CPEB3: variants seen among roughly 807,000 people sequenced by gnomAD.
CPEB3 encodes cytoplasmic polyadenylation element binding protein 3, also known as cytoplasmic polyadenylation element-binding protein 3.
A neutral mutation model predicts 67.2 loss-of-function variants in CPEB3; 20 were observed. The observed-to-expected ratio is 0.30, with a 90% CI of 0.21 to 0.43. CPEB3 has a LOEUF of 0.43. Ranked by LOEUF, CPEB3 falls within the 20% of genes least tolerant of loss-of-function variation. CPEB3 has a pLI of 1.00. For synonymous variants in CPEB3, 376 were observed against 393.1 expected (o/e 0.96, Z 0.51); for missense variants, 746 against 968.6 (o/e 0.77, Z 3.05).
At chr10:92,283,920 G>A (rs1030250725) in intron 1 of CPEB3, among the ~76,000 whole-genome samples, 4 of 150,238 alleles carry the variant, frequency 2.7e-5, no homozygotes, top group Non-Finnish European at 5.9e-5. Flanking sequence ...TAGAGACGGG[G>A]TTTCACCATG....
At chr10:92,235,023 A>G (rs1416128339) in intron 2 of CPEB3, among the ~76,000 whole-genome samples, 1 of 152,214 alleles carries the variant, frequency 6.6e-6, no homozygotes, top group Non-Finnish European at 1.5e-5. Flanking sequence ...GTGAGAAACT[A>G]TATGTAAAGT....
chr10:92,059,325 CA>C (rs61034093), intron 9 of CPEB3, among the ~76,000 whole-genome samples: 4 of 101,226 alleles, frequency 4.0e-5, no homozygotes, highest in Admixed American at 1.1e-4. Flanking sequence ...GAAACTCTGT[CA>C]AAAAAAAAAC....
rs1296204282 is a variant in CPEB3, at chr10:92,124,005, A to G, written c.1454-12811T>C. ...TATCTAACTACTGTCAGCAAGTCCC[A>G]ACCCAAGCTATATCCTCTTCTAAAA... On this transcript the variant is annotated intron_variant, in intron 6 of 9. Coordinates refer to ENST00000265997, the MANE Select transcript of CPEB3 (RefSeq NM_014912.5). Among the ~76,000 whole-genome samples, 7 of 152,302 alleles carry G rather than the reference A, an allele frequency of 4.6e-5. No individual in the cohort carries two copies. In the East Asian group the frequency reaches 1.2e-3, roughly 25 times the overall value.
At chr10:92,091,786 G>T in intron 8 of CPEB3, 44 bp downstream of exon 8, 1 of 1,197,794 alleles carries the variant, frequency 8.3e-7, no homozygotes, top group East Asian at 2.4e-5. Context: ...TGGGGATTTT[G>T]TTGTTGTTGG....
intron 9 of CPEB3, among the ~76,000 whole-genome samples, chr10:92,056,367 C>T (rs1006714469): frequency 5.9e-5 from 9 of 152,122 alleles, no homozygotes; most frequent in Non-Finnish European, 1.0e-4. Flanking sequence ...AACCTCCACC[C>T]GACCCATGCC....
Position 92,047,398 on chromosome 10 carries a change from C to G in CPEB3, c.*4814G>C, listed in dbSNP as rs1852146068. On this transcript the variant is annotated 3_prime_UTR_variant, in exon 10 of 10. Coordinates refer to ENST00000265997, the MANE Select transcript of CPEB3 (RefSeq NM_014912.5). The stretch of plus-strand genomic sequence containing the variant: ...TGACTAATCTTTCACTCAAACCTTG[C>G]AAGTAGAGATGTCACAATACTCAAA... 6.6e-6 allele frequency: 1 copy of G among 152,138 alleles called. No individual in the cohort carries two copies. Among genetic ancestry groups the G allele is most frequent in the African/African-American group, 2.4e-5 (1 of 41,430 alleles). The allele number at this position is 152,138 out of a possible 1,614,324, so 9.4% of individuals were successfully genotyped here.
At chr10:92,107,687 G>A (rs565585299) in intron 7 of CPEB3, among the ~76,000 whole-genome samples, 1 of 151,814 alleles carries the variant, frequency 6.6e-6, no homozygotes, top group Admixed American at 6.5e-5. Context: ...TGGGATACCT[G>A]AGCTATGAAA....
At chr10:92,149,441 G>A (rs759039810) in intron 4 of CPEB3, among the ~76,000 whole-genome samples, 20 of 152,354 alleles carry the variant, frequency 1.3e-4, no homozygotes, top group East Asian at 9.6e-4. Context: ...AGTCTTGAAC[G>A]AGAGCAGTGA....
intron 1 of CPEB3, among the ~76,000 whole-genome samples, chr10:92,282,904 G>A (rs1310736016): frequency 2.0e-5 from 3 of 152,124 alleles, no homozygotes; most frequent in African/African-American, 4.8e-5. Flanking sequence ...AGACCTAGCC[G>A]AGGCTTAACT....
chr10:92,192,602 T>A lies in CPEB3; in HGVS notation c.1040A>T (p.His347Leu). 2 of 1,612,432 alleles carry A rather than the reference T, an allele frequency of 1.2e-6. No homozygotes were observed. Among genetic ancestry groups the A allele is most frequent in the South Asian group, 2.2e-5 (2 of 90,656 alleles). ...RSRPYDTFNL[H>L]SLENSLMDMI... The stretch of plus-strand genomic sequence containing the variant: ...ATCCATTAAGGAGTTCTCCAACGAG[T>A]GCAAGTTAAAAGTATCATAGGGCCT... Residue 347 changes from histidine (H) to leucine (L), a missense_variant, in exon 3 of 10, where the codon CAC (histidine) becomes CTC (leucine). Transcript: ENST00000265997.
chr10:92,090,965 A>G (rs1564769855), intron 8 of CPEB3, among the ~76,000 whole-genome samples: 1 of 152,274 alleles, frequency 6.6e-6, no homozygotes, highest in Non-Finnish European at 1.5e-5. Context: ...ATATAGGTCT[A>G]AAGTTATCTT....
chr10:92,137,641 T>C (rs1846167229), intron 6 of CPEB3: 1 of 601,586 alleles, frequency 1.7e-6, no homozygotes, highest in Non-Finnish European at 3.0e-6. Flanking sequence ...GAGCACACTG[T>C]GTGGCTTGTA....
intron 1 of CPEB3, among the ~76,000 whole-genome samples, chr10:92,273,591 A>T (rs1853395009): frequency 6.6e-6 from 1 of 152,164 alleles, no homozygotes; most frequent in Non-Finnish European, 1.5e-5. Context: ...CTCTTCTATC[A>T]ATTCATTCAT....
intron 1 of CPEB3, among the ~76,000 whole-genome samples, chr10:92,255,931 C>T (rs1166060873): frequency 6.6e-6 from 1 of 152,162 alleles, no homozygotes; most frequent in Non-Finnish European, 1.5e-5. Flanking sequence ...CTGTTTAGGT[C>T]TCCGGATGAA....
At chr10:92,242,173 T>C (rs982764313) in intron 1 of CPEB3, among the ~76,000 whole-genome samples, 1 of 152,176 alleles carries the variant, frequency 6.6e-6, no homozygotes, top group African/African-American at 2.4e-5. Flanking sequence ...CACAAAATAG[T>C]GGTGGGCTAA....
chr10:92,112,442 GC>G (rs1418943667), intron 6 of CPEB3, among the ~76,000 whole-genome samples: 6 of 152,256 alleles, frequency 3.9e-5, no homozygotes, highest in African/African-American at 1.4e-4. Context: ...ACCACGCCCG[GC>G]CCCAGGTTCC....
chr10:92,218,130 C>T (rs774633484), intron 2 of CPEB3, among the ~76,000 whole-genome samples: 5 of 151,852 alleles, frequency 3.3e-5, no homozygotes, highest in Non-Finnish European at 5.9e-5. Context: ...ACAACAAGGC[C>T]GGGCACAGTG....
intron 2 of CPEB3, among the ~76,000 whole-genome samples, chr10:92,196,724 T>C (rs1275587445): frequency 2.1e-5 from 3 of 144,962 alleles, no homozygotes; most frequent in East Asian, 4.0e-4. Flanking sequence ...GCCGAGCTCA[T>C]GGCACTGCAC....
At chr10:92,085,337 T>A (rs1590101905) in intron 8 of CPEB3, among the ~76,000 whole-genome samples, 1 of 152,330 alleles carries the variant, frequency 6.6e-6, no homozygotes, top group East Asian at 1.9e-4. Context: ...GGGTATACCA[T>A]ACTTTGGACA....
Sources: allele counts gnomAD v4.1 joint callset (sites outside exome capture counted in the v4.1 genomes callset), GRCh38; gene constraint gnomAD v4.1.1; transcripts MANE v1.5; gene names NCBI Gene and HGNC (gene_info 2026-07-23, HGNC 2026-07-21).